The following ACSS1 variants were observed in gnomAD, a reference collection of about 807,000 sequenced individuals.
The protein encoded by ACSS1 is acyl-CoA synthetase short chain family member 1.
A neutral mutation model predicts 75.3 loss-of-function variants in ACSS1; 42 were observed. The observed-to-expected ratio is 0.56, with a 90% CI of 0.44 to 0.72. The LOEUF (loss-of-function observed/expected upper bound fraction) is 0.72, where lower values mean the gene tolerates loss of function less well. ACSS1 is among the 30% of genes least tolerant of loss of function. ACSS1 has a pLI of 0.00. For synonymous variants in ACSS1, 380 were observed against 376.8 expected (o/e 1.01, Z -0.10); for missense variants, 782 against 935.7 (o/e 0.84, Z 2.14).
chr20:25,012,540 A>G, intron 12 of ACSS1, 61 bp downstream of exon 12: 3 of 1,583,260 alleles, frequency 1.9e-6, no homozygotes, highest in South Asian at 2.2e-5. Context: ...CCTCGTACAG[A>G]GGTGCCCATA....
Position 25,006,754 on chromosome 20 carries a change from C to A in ACSS1, c.*1008G>T. Reference sequence around the variant, plus strand: ...TAAGTCACATTAAAACAAAGAGAGACTGGATCCAGACCTCCAAGTCTCATC... The same window carrying A: ...TAAGTCACATTAAAACAAAGAGAGAATGGATCCAGACCTCCAAGTCTCATC... On this transcript the variant is annotated 3_prime_UTR_variant, in exon 14 of 14. Coordinates refer to ENST00000323482, the MANE Select transcript of ACSS1 (RefSeq NM_032501.4). The A allele has an allele frequency of 7.0e-7, 1 of 1,425,014 alleles. No homozygotes were observed. The allele number at this position is 1,425,014 out of a possible 1,614,324, so 88.3% of individuals were successfully genotyped here. A position where few individuals can be genotyped will look rare whatever the true frequency, so the allele number is the denominator to read the frequency against.
chr20:25,019,264 T>C (rs1258132993), intron 7 of ACSS1, among the ~76,000 whole-genome samples: 3 of 152,204 alleles, frequency 2.0e-5, no homozygotes, highest in East Asian at 3.9e-4. Flanking sequence ...CAGCACCCAG[T>C]CCCTCCCAGC....
rs1330905551 is a variant in ACSS1 at position 25,013,575 on chromosome 20, G to C, written c.1540C>G (p.His514Asp). 18 of 1,607,484 alleles carry C rather than the reference G, an allele frequency of 1.1e-5. No homozygotes were observed. The highest frequency in any genetic ancestry group is 1.7e-5 in the Admixed American group (1 of 59,872). ...AAGTAGGCGTCCACAAATCGCTGGT[G>C]GTCGCCATAGATGGTCCTGGCCATG... is the stretch of plus-strand genomic sequence containing the variant. ...PGMARTIYGDHQRFVDAYFKA... is the reference protein window; with the variant it reads ...PGMARTIYGDDQRFVDAYFKA... The change falls in exon 10 of 14, where the codon CAC becomes GAC. Residue 514 changes from histidine to aspartate, a missense_variant. This residue lies in a region of ACSS1 where 405 missense variants were observed against 552.6 expected (regional missense o/e 0.73). Transcript: ENST00000323482.
intron 1 of ACSS1, among the ~76,000 whole-genome samples, chr20:25,049,751 G>A (rs964509121): frequency 3.9e-5 from 6 of 152,048 alleles, no homozygotes; most frequent in Non-Finnish European, 8.8e-5. Context: ...CAGAGGCCCC[G>A]AGAAGTTAAG....
At chr20:25,030,509 T>C (rs1181286562) in intron 3 of ACSS1, among the ~76,000 whole-genome samples, 1 of 152,234 alleles carries the variant, frequency 6.6e-6, no homozygotes, top group African/African-American at 2.4e-5. Flanking sequence ...CTCCTCCACT[T>C]GGCCTGTGCC....
chr20:25,019,378 T>A (rs2088576360), intron 7 of ACSS1, among the ~76,000 whole-genome samples: 1 of 152,220 alleles, frequency 6.6e-6, no homozygotes, highest in Non-Finnish European at 1.5e-5. Context: ...ACATTACCAA[T>A]AGGCCTAAGC....
chr20:25,052,097 C>T (rs576843359), intron 1 of ACSS1, among the ~76,000 whole-genome samples: 86 of 152,164 alleles, frequency 5.7e-4, no homozygotes, highest in Non-Finnish European at 5.3e-4. Flanking sequence ...CATGGCTCTT[C>T]GCACATAGTT....
At position 25,057,686 on chromosome 20, in the gene ACSS1, G is replaced by A. The variant is rs563093788; in HGVS notation, c.334+83C>T. 1.4e-5 allele frequency: 20 copies of A among 1,386,556 alleles called. No homozygotes were observed. In the South Asian group the frequency reaches 2.4e-4, roughly 17 times the overall value. The allele number at this position is 1,386,556 out of a possible 1,614,324, so 85.9% of individuals were successfully genotyped here. On this transcript the variant is annotated intron_variant, in intron 1 of 13. Coordinates refer to ENST00000323482, the MANE Select transcript of ACSS1 (RefSeq NM_032501.4). The stretch of plus-strand genomic sequence containing the variant: ...AGGGCTGCGATCCGCGCTGCCCGGG[G>A]ACGGCTGCCGCTGGCGAGAGGCTCC...
chr20:25,013,788 A>G, intron 9 of ACSS1, 126 bp from the exon 10 acceptor site: 1 of 1,405,172 alleles, frequency 7.1e-7, no homozygotes, highest in Non-Finnish European at 9.5e-7. Context: ...GGAGGGCCCC[A>G]AGCCACCTGT....
intron 6 of ACSS1, among the ~76,000 whole-genome samples, chr20:25,020,862 G>T (rs182157444): frequency 3.4e-4 from 52 of 152,386 alleles, no homozygotes; most frequent in Admixed American, 7.8e-4. Context: ...TTACATTAAA[G>T]AAAATATTTG....
In ACSS1 at chr20:25,008,162, G is replaced by A. The variant is rs114071901; in HGVS notation, c.1891-221C>T. ...GCTGAAATCCACCCCGATGCTCTCC[G>A]CCAGGCAGGGTCCACCCAGGCCGGG... On this transcript the variant is annotated intron_variant, in intron 13 of 13. Coordinates refer to ENST00000323482, the MANE Select transcript of ACSS1 (RefSeq NM_032501.4). Among the ~76,000 whole-genome samples, 1,274 of 152,266 alleles carry A rather than the reference G, an allele frequency of 8.4e-3. 19 individuals carry two copies. Among genetic ancestry groups the A allele is most frequent in the African/African-American group, 0.029 (1,210 of 41,554 alleles).
intron 2 of ACSS1, among the ~76,000 whole-genome samples, chr20:25,038,831 G>A (rs2088956976): frequency 6.6e-6 from 1 of 152,124 alleles, no homozygotes; most frequent in African/African-American, 2.4e-5. Context: ...CACCCCACAT[G>A]CTCTGCACAG....
At chr20:25,035,131 A>G (rs6050263) in intron 2 of ACSS1, among the ~76,000 whole-genome samples, 49,515 of 151,330 alleles carry the variant, frequency 0.33, 8,859 homozygotes, top group African/African-American at 0.45. Context: ...TCCTGACCTC[A>G]TGATCCACCT....
chr20:25,058,023 G>T lies in ACSS1; in HGVS notation c.80C>A (p.Pro27Gln). 7.2e-7 allele frequency: 1 copy of T among 1,387,514 alleles called. No individual in the cohort carries two copies. The highest frequency in any genetic ancestry group is 1.7e-5 in the South Asian group (1 of 60,066). 86.0% of individuals were successfully genotyped at this position (1,387,514 alleles called of 1,614,324 possible). ...LRGLSGQPAR[P>Q]PCGVSAPRRA... ...GCGCGGCGCGCTCACCCCGCACGGCGGCCGCGCGGGCTGCCCCGAGAGCCC... is the reference window on the plus strand; with the variant it reads ...GCGCGGCGCGCTCACCCCGCACGGCTGCCGCGCGGGCTGCCCCGAGAGCCC... The change falls in exon 1 of 14, where the codon CCG becomes CAG. Residue 27 changes from proline (P) to glutamine (Q), a missense_variant. Transcript: ENST00000323482.
chr20:25,015,264 G>T (rs2088496237), intron 7 of ACSS1, 34 bp from the exon 8 acceptor site: 1 of 1,541,346 alleles, frequency 6.5e-7, no homozygotes, highest in African/African-American at 1.4e-5. Flanking sequence ...GATGTTAACA[G>T]GCTGCAAATA....
chr20:25,024,447 G>T (rs760723914), intron 3 of ACSS1, among the ~76,000 whole-genome samples: 3 of 152,180 alleles, frequency 2.0e-5, no homozygotes, highest in African/African-American at 4.8e-5. Flanking sequence ...CTCAGGAAGA[G>T]CCTGGGACAA....
intron 2 of ACSS1, among the ~76,000 whole-genome samples, chr20:25,047,876 C>T (rs550405179): frequency 4.7e-4 from 72 of 152,252 alleles, no homozygotes; most frequent in African/African-American, 8.2e-4. Flanking sequence ...CCTCACAAGG[C>T]GCTGAGAGTG....
At chr20:25,019,829 T>G (rs1027836393) in intron 7 of ACSS1, among the ~76,000 whole-genome samples, 181 bp downstream of exon 7, 10 of 152,248 alleles carry the variant, frequency 6.6e-5, no homozygotes, top group African/African-American at 2.2e-4. Context: ...CTGCCAGCTC[T>G]GGGGAGGAGC....
intron 2 of ACSS1, chr20:25,032,354 G>C (rs146177066): frequency 0.012 from 15,584 of 1,345,836 alleles, 131 homozygotes; most frequent in Admixed American, 0.014. Context: ...GAGCAGGCGA[G>C]AGCCGCCAAC....
Sources: allele counts gnomAD v4.1 joint callset (sites outside exome capture counted in the v4.1 genomes callset), GRCh38; gene constraint gnomAD v4.1.1; regional missense constraint gnomAD v4.1.1; transcripts MANE v1.5; gene names NCBI Gene and HGNC (gene_info 2026-07-23, HGNC 2026-07-21).